Variants in FSD1L observed in about 807,000 individuals in gnomAD.
FSD1L encodes the protein FSD1-like protein.
In FSD1L, 45 loss-of-function variants were observed where a neutral mutation model predicts 71.6. The ratio of observed to expected loss-of-function variants is 0.63; its 90% CI spans 0.49 to 0.81. The LOEUF (loss-of-function observed/expected upper bound fraction) is 0.81, where lower values mean the gene tolerates loss of function less well. Ranked by LOEUF, FSD1L falls within the 30% of genes least tolerant of loss-of-function variation. The pLI is 0.00. For missense variants in FSD1L, 561 were observed against 618.1 expected (o/e 0.91, Z 0.98); for synonymous variants, 197 against 207.2 (o/e 0.95, Z 0.42).
intron 7 of FSD1L, among the ~76,000 whole-genome samples, chr9:105,495,286 G>T (rs1037900363): frequency 1.3e-5 from 2 of 152,188 alleles, no homozygotes; most frequent in Non-Finnish European, 2.9e-5. Flanking sequence ...GACTCCGTGG[G>T]TGTAGGACCC....
rs568208404 is a variant in FSD1L at position 105,526,112 on chromosome 9, G to A, written c.1026-8381G>A. The A allele has an allele frequency of 5.1e-6, 8 of 1,553,686 alleles. No homozygotes were observed. In the African/African-American group the frequency reaches 6.8e-5, roughly 13 times the overall value. ...AGAAAACCAGAGGTTCCCTTCTTTG[G>A]TCCCCTTTTTGATGGTGCTATTGTG... On this transcript the variant is annotated intron_variant, in intron 10 of 13. Transcript: ENST00000481272.
At chr9:105,510,435 A>G (rs756765865) in intron 9 of FSD1L, among the ~76,000 whole-genome samples, 2 of 152,202 alleles carry the variant, frequency 1.3e-5, no homozygotes, top group Non-Finnish European at 2.9e-5. Flanking sequence ...CATTTTTACC[A>G]ATGACACACT....
intron 8 of FSD1L, among the ~76,000 whole-genome samples, chr9:105,508,379 G>C (rs544875476): frequency 6.6e-6 from 1 of 151,232 alleles, no homozygotes; most frequent in African/African-American, 2.4e-5. Context: ...GGGTTTCACC[G>C]TGTTAGTCAG....
At chr9:105,511,660 A>G (rs1191004878) in intron 9 of FSD1L, among the ~76,000 whole-genome samples, 2 of 152,160 alleles carry the variant, frequency 1.3e-5, no homozygotes, top group African/African-American at 4.8e-5. Flanking sequence ...ATTTGTATTC[A>G]GAATGTTGTT....
chr9:105,515,510 C>G (rs1385259290), intron 10 of FSD1L, among the ~76,000 whole-genome samples: 2 of 152,148 alleles, frequency 1.3e-5, no homozygotes, highest in Non-Finnish European at 2.9e-5. Flanking sequence ...ACTGGTTGGA[C>G]AGTGGGTGCA....
At chr9:105,530,089 C>G (rs572900422) in intron 10 of FSD1L, among the ~76,000 whole-genome samples, 1 of 152,266 alleles carries the variant, frequency 6.6e-6, no homozygotes, top group East Asian at 1.9e-4. Flanking sequence ...GAATGTCATG[C>G]TAAGTCGTTT....
intron 5 of FSD1L, among the ~76,000 whole-genome samples, chr9:105,476,009 TA>T (rs1831773121): frequency 6.6e-6 from 1 of 152,098 alleles, no homozygotes; most frequent in South Asian, 2.1e-4. Flanking sequence ...ATGATGATAT[TA>T]AAAAAAGATA....
intron 5 of FSD1L, chr9:105,472,710 T>A (rs1445196567): frequency 6.6e-6 from 1 of 152,256 alleles, no homozygotes; most frequent in African/African-American, 2.4e-5. Flanking sequence ...GCTTTATAAC[T>A]GATTTATGCC....
intron 10 of FSD1L, chr9:105,520,261 A>G: frequency 3.8e-6 from 6 of 1,597,076 alleles, no homozygotes; most frequent in Non-Finnish European, 3.4e-6. Context: ...GCTGAAGAAG[A>G]TGCATTCATC....
rs1487593338 is a variant in FSD1L, at chr9:105,548,979, C to G, written c.*2496C>G. 2.0e-5 allele frequency: 3 copies of G among 151,970 alleles called. No individual in the cohort carries two copies. The highest frequency in any genetic ancestry group is 3.9e-4 in the East Asian group (2 of 5,190). 9.4% of individuals were successfully genotyped at this position (151,970 alleles called of 1,614,324 possible). ...ATCAAATATAGTGCCTATTTAGTCT[C>G]AAAATAAGGTAACTATTAACTTGAT... On this transcript the variant is annotated 3_prime_UTR_variant, in exon 14 of 14. Coordinates refer to ENST00000481272, the MANE Select transcript of FSD1L (RefSeq NM_001145313.3).
rs1156644652 is a variant in FSD1L, at chr9:105,490,618, C to G, written c.586+6116C>G. ...TGAATGGTAATGCCTAGGTTTTCTTCTAGGGTTTTTATGGTTTTAGGTCTA... is the reference window on the plus strand; with the variant it reads ...TGAATGGTAATGCCTAGGTTTTCTTGTAGGGTTTTTATGGTTTTAGGTCTA... On this transcript the variant is annotated intron_variant, in intron 7 of 13. Coordinates refer to ENST00000481272, the MANE Select transcript of FSD1L (RefSeq NM_001145313.3). 3.5e-5 allele frequency among the ~76,000 whole-genome samples: 5 copies of G among 144,626 alleles called. No homozygotes were observed. The East Asian group carries it at 9.9e-4, about 29-fold the overall frequency. 94.9% of individuals were successfully genotyped at this position (144,626 alleles called of 152,430 possible).
chr9:105,540,853 A>C (rs887467525), intron 13 of FSD1L, among the ~76,000 whole-genome samples: 1 of 152,142 alleles, frequency 6.6e-6, no homozygotes, highest in East Asian at 1.9e-4. Context: ...TATTTAAGCA[A>C]ATGTTATTGC....
intron 10 of FSD1L, chr9:105,522,400 T>G (rs1835227890): frequency 6.2e-7 from 1 of 1,613,858 alleles, no homozygotes; most frequent in South Asian, 1.1e-5. Flanking sequence ...GACAAGTCAT[T>G]TTCTAGAGGA....
chr9:105,488,819 G>GTTTTTTTTTTTTTTTTTGTTT, intron 7 of FSD1L, among the ~76,000 whole-genome samples: 1 of 133,674 alleles, frequency 7.5e-6, no homozygotes, highest in Non-Finnish European at 1.6e-5. Context: ...TTTACATTGG[G>GTTTTTTTTTTTTTTTTTGTTT]TTTTTTTTTT....
chr9:105,520,541 C>A, intron 10 of FSD1L: 1 of 1,229,062 alleles, frequency 8.1e-7, no homozygotes, highest in Non-Finnish European at 1.2e-6. Context: ...CAACTTCTTC[C>A]AGAAAGAATT....
At chr9:105,507,136 T>G (rs908032586) in intron 8 of FSD1L, among the ~76,000 whole-genome samples, 9 of 152,190 alleles carry the variant, frequency 5.9e-5, no homozygotes, top group Non-Finnish European at 1.0e-4. Flanking sequence ...AAGCTGTTGG[T>G]TTTTTAGATG....
Position 105,479,038 on chromosome 9 carries a change from A to G in FSD1L, c.442-316A>G, listed in dbSNP as rs182057593. ...CTCTAGTTGATGAGTATCAGACTGA[A>G]TGAAAGTGGAGGTGTGTTTTGATAA... On this transcript the variant is annotated intron_variant, in intron 5 of 13. Coordinates refer to ENST00000481272, the MANE Select transcript of FSD1L (RefSeq NM_001145313.3). Among the ~76,000 whole-genome samples the G allele has an allele frequency of 2.1e-3, 325 of 152,320 alleles. 1 individual carries two copies. The highest frequency in any genetic ancestry group is 7.2e-3 in the African/African-American group (301 of 41,574).
At chr9:105,534,993 G>T (rs146422870) in intron 11 of FSD1L, 74 bp from the exon 12 acceptor site, 14,827 of 1,442,626 alleles carry the variant, frequency 0.01, 100 homozygotes, top group Non-Finnish European at 0.011. Flanking sequence ...TCTTTTTTTG[G>T]GACGAGTGGT....
upstream of FSD1L, among the ~76,000 whole-genome samples, chr9:105,447,157 C>T (rs62575093): frequency 2.6e-5 from 4 of 151,102 alleles, no homozygotes; most frequent in East Asian, 1.9e-4. Context: ...GAACCAGTCT[C>T]CGCTAAAAGT....
Sources: allele counts gnomAD v4.1 joint callset (sites outside exome capture counted in the v4.1 genomes callset), GRCh38; gene constraint gnomAD v4.1.1; transcripts MANE v1.5; gene names NCBI Gene and HGNC (gene_info 2026-07-23, HGNC 2026-07-21).